NYAP2: variants seen among roughly 807,000 people sequenced by gnomAD.
The protein encoded by NYAP2 is neuronal tyrosine-phosphorylated phosphoinositide-3-kinase adaptor 2.
NYAP2 carries 23 observed loss-of-function variants against 50.4 expected under a neutral mutation model. The ratio of observed to expected loss-of-function variants is 0.46; its 90% CI spans 0.33 to 0.65. The LOEUF is 0.65. Ranked by LOEUF, NYAP2 falls within the 30% of genes least tolerant of loss-of-function variation. The pLI is 0.02. For missense variants in NYAP2, 885 were observed against 861.0 expected (o/e 1.03, Z -0.35); for synonymous variants, 394 against 365.2 (o/e 1.08, Z -0.90).
At chr2:225,695,649 TACTC>T in the NYAP2 span, among the ~76,000 whole-genome samples, 4 of 151,862 alleles carry the variant, frequency 2.6e-5, no homozygotes, top group Non-Finnish European at 4.4e-5. Context: ...AGTTTGTAGT[TACTC>T]AATAAATTTT....
intron 3 of NYAP2, among the ~76,000 whole-genome samples, chr2:225,478,835 A>G (rs1477659436): frequency 1.3e-5 from 2 of 152,226 alleles, no homozygotes; most frequent in African/African-American, 4.8e-5. Context: ...ACATTACAGG[A>G]AATTTCAAAA....
At chr2:225,636,270 C>T (rs1398366381) in intron 6 of NYAP2, among the ~76,000 whole-genome samples, 4 of 152,138 alleles carry the variant, frequency 2.6e-5, no homozygotes, top group South Asian at 2.1e-4. Flanking sequence ...TAGAGTGTTT[C>T]CTGCAGCTCA....
chr2:225,418,133 A>G (rs1695154113), intron 3 of NYAP2, among the ~76,000 whole-genome samples: 1 of 152,176 alleles, frequency 6.6e-6, no homozygotes, highest in African/African-American at 2.4e-5. Flanking sequence ...AAGTGAGGAG[A>G]GAAGCCATGC....
chr2:225,401,881 C>T (rs1694868819), intron 2 of NYAP2, among the ~76,000 whole-genome samples: 1 of 151,770 alleles, frequency 6.6e-6, no homozygotes, highest in Non-Finnish European at 1.5e-5. Flanking sequence ...TTCTGAAAAG[C>T]TTACATGATG....
chr2:225,545,213 A>C (rs970847841), intron 4 of NYAP2, among the ~76,000 whole-genome samples: 6 of 152,060 alleles, frequency 3.9e-5, no homozygotes, highest in South Asian at 2.1e-4. Flanking sequence ...CTGTATCTGA[A>C]TGTTGATATC....
intron 3 of NYAP2, among the ~76,000 whole-genome samples, chr2:225,422,165 A>G (rs1695226607): frequency 1.3e-5 from 2 of 152,200 alleles, no homozygotes; most frequent in Non-Finnish European, 2.9e-5. Context: ...AGAGGAACAC[A>G]TTTTCAAAAC....
At chr2:225,635,225 C>T (rs970532649) in intron 6 of NYAP2, among the ~76,000 whole-genome samples, 5 of 152,146 alleles carry the variant, frequency 3.3e-5, no homozygotes, top group Non-Finnish European at 4.4e-5. Context: ...GTACTCATGA[C>T]GGTCCTTTTT....
At chr2:225,415,048 G>A (rs947489677) in intron 3 of NYAP2, among the ~76,000 whole-genome samples, 2 of 151,974 alleles carry the variant, frequency 1.3e-5, no homozygotes, top group African/African-American at 2.4e-5. Context: ...GACAGCTCTC[G>A]ACTTTAGCAA....
At chr2:225,610,222 A>G (rs1019931741) in intron 5 of NYAP2, among the ~76,000 whole-genome samples, 1 of 152,070 alleles carries the variant, frequency 6.6e-6, no homozygotes, top group African/African-American at 2.4e-5. Flanking sequence ...ATTTTCTCAC[A>G]GTTCTGGAGC....
rs1408874399 is a variant in NYAP2, at chr2:225,586,783, A to T, written c.1618+3748A>T. Among the ~76,000 whole-genome samples, 5 of 152,188 alleles carry T rather than the reference A, an allele frequency of 3.3e-5. No individual in the cohort carries two copies. The East Asian group carries it at 9.6e-4, about 29-fold the overall frequency. On this transcript the variant is annotated intron_variant, in intron 5 of 6. Transcript: ENST00000636099. The stretch of plus-strand genomic sequence containing the variant: ...AAATTAATAACCAAACCAAATTTTA[A>T]AAGTAGAAAACTTTATTTATTCCCT...
Position 225,409,248 on chromosome 2 carries a change from A to G in NYAP2, c.221+147A>G, listed in dbSNP as rs971920040. On this transcript the variant is annotated intron_variant, in intron 3 of 6. Transcript: ENST00000636099. ...AGCATATGAAAGCGACCCCTCAACT[A>G]TAACAAAAACACCACCCACACTGCC... The G allele has an allele frequency of 6.5e-6, 4 of 611,986 alleles. No homozygotes were observed. In the Admixed American group the frequency reaches 1.2e-4, roughly 18 times the overall value. The allele number at this position is 611,986 out of a possible 1,614,324, so 37.9% of individuals were successfully genotyped here.
chr2:225,408,916 G>A, exon 3 of NYAP2: 1 of 1,611,118 alleles, frequency 6.2e-7, no homozygotes, highest in Non-Finnish European at 8.5e-7. Flanking sequence ...CTAATCCTGA[G>A]GAAGACCCTT....
intron 4 of NYAP2, among the ~76,000 whole-genome samples, chr2:225,552,064 C>T (rs1052592657): frequency 6.6e-6 from 1 of 152,142 alleles, no homozygotes; most frequent in Admixed American, 6.6e-5. Flanking sequence ...CCACCTGCCT[C>T]GGCCTCCCAA....
At chr2:225,614,678 C>G (rs556627075) in intron 5 of NYAP2, among the ~76,000 whole-genome samples, 1 of 152,140 alleles carries the variant, frequency 6.6e-6, no homozygotes, top group African/African-American at 2.4e-5. Context: ...TCATTAGAAA[C>G]ACAAGGATCT....
chr2:225,637,008 C>T (rs185070880), intron 6 of NYAP2, among the ~76,000 whole-genome samples: 2 of 152,200 alleles, frequency 1.3e-5, no homozygotes, highest in African/African-American at 4.8e-5. Context: ...TTGGGTGTGG[C>T]GTGACACAGA....
chr2:225,480,955 T>C (rs1249355977), intron 3 of NYAP2, among the ~76,000 whole-genome samples: 1 of 152,132 alleles, frequency 6.6e-6, no homozygotes, highest in Non-Finnish European at 1.5e-5. Flanking sequence ...ATGTCTTTGA[T>C]GTAATGACTC....
At chr2:225,586,320 G>A (rs1002690091) in intron 5 of NYAP2, among the ~76,000 whole-genome samples, 1 of 152,090 alleles carries the variant, frequency 6.6e-6, no homozygotes, top group Non-Finnish European at 1.5e-5. Context: ...ATTTCATTTT[G>A]TTTCACAATT....
intron 3 of NYAP2, among the ~76,000 whole-genome samples, chr2:225,424,946 A>G (rs1695264575): frequency 1.3e-5 from 2 of 152,188 alleles, no homozygotes; most frequent in Admixed American, 1.3e-4. Flanking sequence ...ATAAAAAAAG[A>G]TTGAGTTCGT....
chr2:225,601,970 T>A (rs189058790), intron 5 of NYAP2, among the ~76,000 whole-genome samples: 90 of 152,340 alleles, frequency 5.9e-4, no homozygotes, highest in Admixed American at 1.2e-3. Context: ...GCAGTCTTGT[T>A]GTCTGAGTTA....
Sources: allele counts gnomAD v4.1 joint callset (sites outside exome capture counted in the v4.1 genomes callset), GRCh38; gene constraint gnomAD v4.1.1; transcripts MANE v1.5; gene names NCBI Gene and HGNC (gene_info 2026-07-23, HGNC 2026-07-21).